PWWP3B: variants seen among roughly 807,000 people sequenced by gnomAD.
PWWP3B encodes PWWP domain-containing DNA repair factor 3B.
PWWP3B carries 5 observed loss-of-function variants against 15.7 expected under a neutral mutation model. The ratio of observed to expected loss-of-function variants is 0.32; its 90% confidence interval spans 0.17 to 0.67. The LOEUF is 0.67. PWWP3B is among the 30% of genes least tolerant of loss of function. PWWP3B has a pLI of 0.74. For synonymous variants in PWWP3B, 203 were observed against 179.8 expected, an observed-to-expected ratio of 1.13 and a Z score of -1.03; for missense variants, 519 against 493.1, an observed-to-expected ratio of 1.05 and a Z score of -0.50.
In PWWP3B at chrX:106,207,561, T is replaced by G; in HGVS notation, c.*38T>G. 7 of 1,092,159 alleles carry G rather than the reference T, an allele frequency of 6.4e-6. No homozygotes were observed. The highest frequency in any genetic ancestry group is 8.4e-6 in the Non-Finnish European group (7 of 835,570). The allele number at this position is 1,092,159 out of a possible 1,213,427, so 90.0% of individuals were successfully genotyped here. On this transcript the variant is annotated 3_prime_UTR_variant, in exon 4 of 4. Transcript: ENST00000357175. Reference sequence around the variant, plus strand: ...TTGAAACCATGACAGGGAGCTCTCATAGATACTAGTTGAAAAAAGTCTCTG... The same window carrying G: ...TTGAAACCATGACAGGGAGCTCTCAGAGATACTAGTTGAAAAAAGTCTCTG...
At chrX:106,172,566 C>T (rs1290887923) in intron 2 of PWWP3B, among the ~76,000 whole-genome samples, 1 of 110,571 alleles carries the variant, frequency 9.0e-6, no homozygotes, top group Non-Finnish European at 1.9e-5. Flanking sequence ...TCCATTTACA[C>T]ATCTCGTCCC....
At chrX:106,169,803 T>C (rs1025619405) in intron 1 of PWWP3B, among the ~76,000 whole-genome samples, 15 of 112,317 alleles carry the variant, frequency 1.3e-4, no homozygotes, top group African/African-American at 4.8e-4. Flanking sequence ...ATGTCCAAGG[T>C]AGTTTCTAAA....
chrX:106,190,116 C>T (rs983899937), intron 2 of PWWP3B, among the ~76,000 whole-genome samples: 10 of 111,210 alleles, frequency 9.0e-5, no homozygotes, highest in African/African-American at 2.3e-4. Context: ...GAGGAATCGC[C>T]ACACTGACTT....
intron 2 of PWWP3B, among the ~76,000 whole-genome samples, chrX:106,194,228 C>T (rs1002682606): frequency 5.4e-5 from 6 of 110,993 alleles, no homozygotes; most frequent in African/African-American, 1.6e-4. Context: ...TTCTTGCAGT[C>T]TTTGTTCATT....
In PWWP3B at chrX:106,194,601, G is replaced by C. The variant is rs141666497; in HGVS notation, c.-400-9384G>C. 8.9e-3 allele frequency among the ~76,000 whole-genome samples: 994 copies of C among 111,971 alleles called. 14 individuals carry two copies. The highest frequency in any genetic ancestry group is 0.03 in the African/African-American group (920 of 30,797). ...GCTGTTGAGGAGCTGTGTTCCTTCG[G>C]AGGAGGAGAGGCACTCTGATTTTTA... On this transcript the variant is annotated intron_variant, in intron 2 of 3. Transcript: ENST00000357175.
chrX:106,188,274 G>T (rs1922641730), intron 2 of PWWP3B, among the ~76,000 whole-genome samples: 1 of 111,692 alleles, frequency 9.0e-6, no homozygotes, highest in African/African-American at 3.3e-5. Context: ...CAATTCAGAA[G>T]TACAAGTTAA....
intron 2 of PWWP3B, among the ~76,000 whole-genome samples, chrX:106,191,900 C>G (rs1298141397): frequency 1.8e-5 from 2 of 111,728 alleles, no homozygotes; most frequent in Non-Finnish European, 3.8e-5. Context: ...CCCACTCTAT[C>G]ATGGTGGATA....
chrX:106,178,594 T>C (rs955386027), intron 2 of PWWP3B, among the ~76,000 whole-genome samples: 9 of 111,421 alleles, frequency 8.1e-5, no homozygotes, highest in African/African-American at 2.9e-4. Flanking sequence ...TAAAACAAAA[T>C]CAGAAAAAAG....
At chrX:106,187,834 A>G (rs1304719689) in intron 2 of PWWP3B, among the ~76,000 whole-genome samples, 1 of 111,654 alleles carries the variant, frequency 9.0e-6, no homozygotes, top group Non-Finnish European at 1.9e-5. Flanking sequence ...GACTATTTAT[A>G]GTTGTTATAT....
chrX:106,208,794 G>A lies in PWWP3B; in HGVS notation c.*1271G>A, dbSNP rs1007701317. 1.2e-4 allele frequency: 15 copies of A among 123,365 alleles called. No homozygotes were observed. The highest frequency in any genetic ancestry group is 3.7e-4 in the South Asian group (1 of 2,717). 10.2% of individuals were successfully genotyped at this position (123,365 alleles called of 1,213,427 possible). A position where few individuals can be genotyped will look rare whatever the true frequency, so the allele number is the denominator to read the frequency against. On this transcript the variant is annotated 3_prime_UTR_variant, in exon 4 of 4. Transcript: ENST00000357175. ...AGTTAGTTTATTTTGGAAACCTGCCGTGAAAGGAAATTCTAAAGGCTTAAC... is the reference window on the plus strand; with the variant it reads ...AGTTAGTTTATTTTGGAAACCTGCCATGAAAGGAAATTCTAAAGGCTTAAC...
At chrX:106,183,111 G>T (rs1032716281) in intron 2 of PWWP3B, among the ~76,000 whole-genome samples, 2 of 110,845 alleles carry the variant, frequency 1.8e-5, no homozygotes, top group Non-Finnish European at 3.8e-5. Context: ...CTGCAGTGGG[G>T]GTAGAGAGGA....
At chrX:106,174,823 A>G (rs188784105) in intron 2 of PWWP3B, among the ~76,000 whole-genome samples, 2 of 111,278 alleles carry the variant, frequency 1.8e-5, no homozygotes, top group Admixed American at 1.9e-4. Flanking sequence ...CGAGGCAGGC[A>G]GATCACCTGA....
Position 106,205,514 on chromosome X carries a change from A to G in PWWP3B, c.82A>G (p.Asn28Asp). 8.3e-7 allele frequency: 1 copy of G among 1,200,852 alleles called. No individual in the cohort carries two copies. The highest frequency in any genetic ancestry group is 1.1e-6 in the Non-Finnish European group (1 of 890,161). Residue 28 changes from asparagine to aspartate, a missense_variant, in exon 4 of 4, where the codon AAC becomes GAC. By Grantham distance (23) the Asn-to-Asp change is conservative (BLOSUM62 1). Transcript: ENST00000357175. ...KVLSRSETSS[N>D]SKRKKAFSLE... ...TTTGTCCAGATCTGAAACTTCATCAAACAGTAAGAGGAAAAAGGCATTTTC... is the reference window on the plus strand; with the variant it reads ...TTTGTCCAGATCTGAAACTTCATCAGACAGTAAGAGGAAAAAGGCATTTTC...
intron 2 of PWWP3B, among the ~76,000 whole-genome samples, chrX:106,191,765 T>C (rs950083969): frequency 3.6e-4 from 40 of 111,711 alleles, no homozygotes; most frequent in African/African-American, 1.2e-3. Flanking sequence ...TGTTGAATTT[T>C]GTCAAAGGCC....
At position 106,189,548 on chromosome X, in the gene PWWP3B, AG is replaced by A. The variant is rs1236944357; in HGVS notation, c.-400-14435del. Among the ~76,000 whole-genome samples the A allele has an allele frequency of 7.2e-5, 8 of 110,602 alleles. No individual in the cohort carries two copies. In the Admixed American group the frequency reaches 7.7e-4, roughly 11 times the overall value. On this transcript the variant is annotated intron_variant, in intron 2 of 3. Coordinates refer to ENST00000357175, the MANE Select transcript of PWWP3B (RefSeq NM_001171020.2). ...TCCAGTTTCATCCATGTCCCTACAA[AG>A]GACATGAACTCATCATTTTTTATGG... is the stretch of plus-strand genomic sequence containing the variant.
At chrX:106,193,016 T>A (rs971954724) in intron 2 of PWWP3B, among the ~76,000 whole-genome samples, 24 of 111,603 alleles carry the variant, frequency 2.2e-4, no homozygotes, top group Middle Eastern at 4.6e-3. Flanking sequence ...AATGTATATT[T>A]TGTTGATTTA....
rs1923940455 is a variant in PWWP3B, at chrX:106,205,487, G to T, written c.55G>T (p.Val19Phe). 2 of 1,194,262 alleles carry T rather than the reference G, an allele frequency of 1.7e-6. No individual in the cohort carries two copies. Among genetic ancestry groups the T allele is most frequent in the Admixed American group, 2.3e-5 (1 of 43,447 alleles). Residue 19 changes from valine (V) to phenylalanine (F), a missense_variant, in exon 4 of 4, where the codon GTT becomes TTT. Physicochemically the swap from Val to Phe is conservative, Grantham distance 50. Coordinates refer to ENST00000357175, the MANE Select transcript of PWWP3B (RefSeq NM_001171020.2). Reference protein sequence around the residue: ...NWKDQLWPAKVLSRSETSSNS... With the variant: ...NWKDQLWPAKFLSRSETSSNS... ...GAAAGACCAGTTGTGGCCAGCAAAA[G>T]TTTTGTCCAGATCTGAAACTTCATC...
intron 2 of PWWP3B, among the ~76,000 whole-genome samples, chrX:106,197,293 T>C (rs747084002): frequency 1.2e-3 from 129 of 111,947 alleles, no homozygotes; most frequent in Non-Finnish European, 2.1e-3. Context: ...TACTTCTCCC[T>C]GAGCAGCAAT....
At chrX:106,197,421 G>A (rs141046966) in intron 2 of PWWP3B, among the ~76,000 whole-genome samples, 1,723 of 111,512 alleles carry the variant, frequency 0.015, 17 homozygotes, top group Non-Finnish European at 0.025. Flanking sequence ...TTCAGGAGAG[G>A]GTTTGCTGCT....
Sources: gnomAD v4.1 joint callset for allele counts (sites outside exome capture counted in the v4.1 genomes callset) on GRCh38, gnomAD v4.1.1 for gene constraint, MANE v1.5 for transcripts, NCBI Gene and HGNC (gene_info 2026-07-23, HGNC 2026-07-21) for gene names.